Variants in TRUB2 observed in about 807,000 individuals in gnomAD.
The protein encoded by TRUB2 is TruB pseudouridine synthase family member 2, also known as pseudouridylate synthase TRUB2, mitochondrial.
Under a neutral mutation model 31.9 loss-of-function variants are expected in TRUB2, and 31 were observed. That is an observed-to-expected ratio of 0.97 (90% CI 0.73 to 1.31). The LOEUF (loss-of-function observed/expected upper bound fraction) is 1.31. TRUB2 is among the 50% of genes most tolerant of loss of function. The probability of loss-of-function intolerance (pLI) is 0.00; values close to 1 mark genes in which losing one functional copy is unlikely to be tolerated. For synonymous variants in TRUB2, 201 were observed against 182.6 expected, an observed-to-expected ratio of 1.10 and a Z score of -0.81; for missense variants, 451 against 439.6, an observed-to-expected ratio of 1.03 and a Z score of -0.23.
intron 5 of TRUB2, among the ~76,000 whole-genome samples, chr9:128,313,045 A>G (rs1832000853): frequency 6.6e-6 from 1 of 151,128 alleles, no homozygotes; most frequent in African/African-American, 2.4e-5. Flanking sequence ...GTGAAACCCA[A>G]TTTCTACTAA....
At chr9:128,312,428 G>A (rs369718010) in intron 5 of TRUB2, among the ~76,000 whole-genome samples, 15 of 148,892 alleles carry the variant, frequency 1.0e-4, no homozygotes, top group Admixed American at 6.7e-4. Flanking sequence ...GTGAGCCACC[G>A]AACCTGGCCT....
rs141029905 is a variant in TRUB2 at position 128,320,859 on chromosome 9, GCTCACTGC to G, written c.241+732_241+739del. ...GCTGGCGTGCAGTGGCACAATTTCG[GCTCACTGC>G]AACCTCCGCCTCCCGGGTTCAAGTG... On this transcript the variant is annotated intron_variant, in intron 2 of 7. Coordinates refer to ENST00000372890, the MANE Select transcript of TRUB2 (RefSeq NM_015679.3). Among the ~76,000 whole-genome samples the G allele has an allele frequency of 3.6e-3, 554 of 152,060 alleles. 14 individuals carry two copies. The East Asian group carries it at 0.083, about 23-fold the overall frequency.
chr9:128,321,817 T>C (rs972080350), intron 1 of TRUB2, 87 bp from the exon 2 acceptor site: 13 of 1,416,448 alleles, frequency 9.2e-6, no homozygotes, highest in East Asian at 2.5e-5. Context: ...CCTCGTTCTG[T>C]AGCCCAGGCT....
rs746346897 is a variant in TRUB2, at chr9:128,309,405, G to A, written c.*145C>T. The A allele has an allele frequency of 2.4e-6, 2 of 845,098 alleles. No homozygotes were observed. The highest frequency in any genetic ancestry group is 3.6e-6 in the Non-Finnish European group (2 of 554,642). 52.3% of individuals were successfully genotyped at this position (845,098 alleles called of 1,614,324 possible). A position where few individuals can be genotyped will look rare whatever the true frequency, so the allele number is the denominator to read the frequency against. ...AGTTTTTCCTTCTCAGTTGGGTCAA[G>A]TCCATTGACCTTTCTGTTACAGCTT... On this transcript the variant is annotated 3_prime_UTR_variant, in exon 8 of 8. Coordinates refer to ENST00000372890, the MANE Select transcript of TRUB2 (RefSeq NM_015679.3).
At chr9:128,312,339 T>C (rs889838115) in intron 5 of TRUB2, among the ~76,000 whole-genome samples, 1 of 151,688 alleles carries the variant, frequency 6.6e-6, no homozygotes, top group East Asian at 1.9e-4. Context: ...GGTTTCACCA[T>C]GTTGGCCAGG....
chr9:128,313,916 G>A (rs372652608), intron 4 of TRUB2, 27 bp from the exon 5 acceptor site: 40 of 1,607,764 alleles, frequency 2.5e-5, no homozygotes, highest in African/African-American at 1.9e-4. Flanking sequence ...GTAAAGATCC[G>A]TCAGTGACCC....
At chr9:128,313,405 G>A (rs1435621740) in intron 5 of TRUB2, among the ~76,000 whole-genome samples, 4 of 150,384 alleles carry the variant, frequency 2.7e-5, no homozygotes, top group East Asian at 2.0e-4. Flanking sequence ...GCGTGGTGGC[G>A]GGCGCCTGTA....
rs774927924 is a variant in TRUB2, at chr9:128,321,684, G to C, written c.156C>G (p.Phe52Leu). 10 of 1,613,852 alleles carry C rather than the reference G, an allele frequency of 6.2e-6. No homozygotes were observed. The Admixed American group carries it at 1.7e-4, about 27-fold the overall frequency. Residue 52 changes from phenylalanine (F) to leucine (L), a missense_variant, in exon 2 of 8, where the codon TTC becomes TTG. Transcript: ENST00000372890. ...KPPAPKQRVR[F>L]LLGPMEGSEE... ...CGCTGCCTTCCATGGGGCCCAGCAA[G>C]AAGCGAACACGCTGTTTAGGAGCGG...
chr9:128,311,104 A>C, intron 6 of TRUB2, 81 bp from the exon 7 acceptor site: 1 of 1,563,890 alleles, frequency 6.4e-7, no homozygotes, highest in Non-Finnish European at 8.7e-7. Context: ...GAAGCTCCTC[A>C]CTTGCTTTGT....
At chr9:128,319,195 G>A (rs1416564251) in intron 2 of TRUB2, among the ~76,000 whole-genome samples, 9 of 151,910 alleles carry the variant, frequency 5.9e-5, no homozygotes, top group South Asian at 2.1e-4. Context: ...GCGTGGTGGC[G>A]GGCGCCTGTA....
rs149839316 is a variant in TRUB2, at chr9:128,310,961, C to T, written c.596G>A (p.Arg199Gln). The change falls in exon 7 of 8, where the codon CGG (arginine) becomes CAG (glutamine). Residue 199 changes from arginine to glutamine, a missense_variant. Arg to Gln is a conservative substitution (Grantham distance 43). Transcript: ENST00000372890. ...AYEMAVRGLI[R>Q]PMNKSPMLIT... The stretch of plus-strand genomic sequence containing the variant: ...CAGCATCGGGGACTTGTTCATGGGC[C>T]GGATCAGGCCTCTCACGGCCATCTC... The T allele has an allele frequency of 9.9e-5, 159 of 1,614,068 alleles. No homozygotes were observed. Among genetic ancestry groups the T allele is most frequent in the Middle Eastern group, 1.6e-4 (1 of 6,084 alleles).
rs1344859817 is a variant in TRUB2 at position 128,307,881 on chromosome 9, GAC to G, written c.*1667_*1668del. 2 of 151,944 alleles carry G rather than the reference GAC, an allele frequency of 1.3e-5. No individual in the cohort carries two copies. Among genetic ancestry groups the G allele is most frequent in the Admixed American group, 1.3e-4 (2 of 15,242 alleles). The allele number at this position is 151,944 out of a possible 1,614,324, so 9.4% of individuals were successfully genotyped here. A position where few individuals can be genotyped will look rare whatever the true frequency, so the allele number is the denominator to read the frequency against. ...TGCATCACTGCACTCCAGCCTGGGT[GAC>G]AGAGCAAGACCCTGTCTAAAAAACA... On this transcript the variant is annotated 3_prime_UTR_variant, in exon 8 of 8. Coordinates refer to ENST00000372890, the MANE Select transcript of TRUB2 (RefSeq NM_015679.3).
At chr9:128,322,250 A>C (rs1326763490) in intron 1 of TRUB2, 50 bp downstream of exon 1, 1 of 1,511,220 alleles carries the variant, frequency 6.6e-7, no homozygotes, top group Admixed American at 1.7e-5. Context: ...GCGGAGATGG[A>C]CTTCCAAGAG....
chr9:128,313,195 C>T (rs1275600271), intron 5 of TRUB2, among the ~76,000 whole-genome samples: 4 of 146,084 alleles, frequency 2.7e-5, no homozygotes, highest in Admixed American at 1.4e-4. Flanking sequence ...CCAGCCTGGG[C>T]GACAGAGCGA....
chr9:128,321,530 T>G, intron 2 of TRUB2, 69 bp downstream of exon 2: 1 of 1,606,962 alleles, frequency 6.2e-7, no homozygotes. Context: ...ATCTGAGCAC[T>G]GGGACACTGA....
intron 2 of TRUB2, 112 bp from the exon 3 acceptor site, chr9:128,317,338 AT>A: frequency 1.1e-6 from 1 of 932,380 alleles, no homozygotes; most frequent in East Asian, 2.6e-5. Context: ...CCAAACTAGC[AT>A]CAGGCCAGAC....
At chr9:128,322,242 G>A (rs1832200492) in intron 1 of TRUB2, 58 bp downstream of exon 1, 2 of 1,455,706 alleles carry the variant, frequency 1.4e-6, no homozygotes, top group Non-Finnish European at 1.9e-6. Flanking sequence ...GACCAGAAGC[G>A]GAGATGGACT....
At chr9:128,316,434 T>C (rs1832070045) in intron 3 of TRUB2, 1 of 151,802 alleles carries the variant, frequency 6.6e-6, no homozygotes, top group Admixed American at 6.6e-5. Flanking sequence ...TGCTGTGCAG[T>C]CGGCACAGAG....
At chr9:128,320,138 G>A (rs770981752) in intron 2 of TRUB2, among the ~76,000 whole-genome samples, 7 of 150,882 alleles carry the variant, frequency 4.6e-5, no homozygotes, top group African/African-American at 1.2e-4. Context: ...GGATGGTCTC[G>A]ATTTCCTGAC....
Sources: allele counts gnomAD v4.1 joint callset (sites outside exome capture counted in the v4.1 genomes callset), GRCh38; gene constraint gnomAD v4.1.1; transcripts MANE v1.5; gene names NCBI Gene and HGNC (gene_info 2026-07-23, HGNC 2026-07-21).